The following DUSP26 variants were observed in gnomAD, a reference collection of about 807,000 sequenced individuals.
The protein encoded by DUSP26 is dual specificity protein phosphatase 26.
In DUSP26, 12 loss-of-function variants were observed where a neutral mutation model predicts 20.0. That is an observed-to-expected ratio of 0.60 (90% CI 0.38 to 0.97). The LOEUF is 0.97. Ranked by LOEUF, DUSP26 falls within the 50% of genes least tolerant of loss-of-function variation. The pLI is 0.00. For missense variants in DUSP26, 230 were observed against 294.0 expected (o/e 0.78, Z 1.59); for synonymous variants, 120 against 118.8 (o/e 1.01, Z -0.06).
intron 3 of DUSP26, 114 bp downstream of exon 3, chr8:33,593,419 C>A: frequency 8.3e-7 from 1 of 1,198,808 alleles, no homozygotes; most frequent in South Asian, 1.5e-5. Flanking sequence ...TCTTTCTTAA[C>A]AAGATCCTGA....
chr8:33,598,023 C>G (rs78793676), intron 1 of DUSP26, among the ~76,000 whole-genome samples: 1 of 151,908 alleles, frequency 6.6e-6, no homozygotes, highest in African/African-American at 2.4e-5. Flanking sequence ...GTTGGGGGTA[C>G]CTTTAGACCC....
At position 33,593,623 on chromosome 8, in the gene DUSP26, C is replaced by T. The variant is rs936137161; in HGVS notation, c.346G>A (p.Val116Ile). The change falls in exon 3 of 4, where the codon GTT becomes ATT. Residue 116 changes from valine to isoleucine, a missense_variant. Val to Ile is a conservative substitution (Grantham distance 29). Coordinates refer to ENST00000256261, the MANE Select transcript of DUSP26 (RefSeq NM_024025.3). ...YEGLGIRYLG[V>I]EAHDSPAFDM... ...AAGGCTGGCGAGTCGTGGGCCTCAA[C>T]ACCCAGGTAGCGGATGCCCAGCCCC... is the stretch of plus-strand genomic sequence containing the variant. The T allele has an allele frequency of 1.9e-6, 3 of 1,614,222 alleles. No individual in the cohort carries two copies. Among genetic ancestry groups the T allele is most frequent in the South Asian group, 1.1e-5 (1 of 91,088 alleles).
In DUSP26 at chr8:33,593,944, C is replaced by T. The variant is rs570975613; in HGVS notation, c.222-197G>A. Among the ~76,000 whole-genome samples the T allele has an allele frequency of 3.2e-4, 48 of 152,162 alleles. 2 individuals are homozygous for T. In the South Asian group the frequency reaches 8.1e-3, roughly 26 times the overall value. On this transcript the variant is annotated intron_variant, in intron 2 of 3. Coordinates refer to ENST00000256261, the MANE Select transcript of DUSP26 (RefSeq NM_024025.3). ...AAACGATTCTCCTGCCTCAGCCTCCCGGGTAGCTGGGATTACAGGCACATG... is the reference window on the plus strand; with the variant it reads ...AAACGATTCTCCTGCCTCAGCCTCCTGGGTAGCTGGGATTACAGGCACATG...
chr8:33,597,882 T>TACACACACACACAC (rs150976098), intron 1 of DUSP26: 1,751 of 152,902 alleles, frequency 0.011, 51 homozygotes, highest in African/African-American at 0.038. Flanking sequence ...CCAGCACGCA[T>TACACACACACACAC]ACACACACAC....
chr8:33,596,267 G>A (rs1811142407), intron 2 of DUSP26, among the ~76,000 whole-genome samples: 1 of 151,154 alleles, frequency 6.6e-6, no homozygotes, highest in Non-Finnish European at 1.5e-5. Flanking sequence ...CTGGGCAACA[G>A]TGAGACCCTG....
chr8:33,596,791 C>G (rs961418782), intron 2 of DUSP26, among the ~76,000 whole-genome samples: 4 of 152,080 alleles, frequency 2.6e-5, no homozygotes, highest in African/African-American at 9.7e-5. Context: ...CTCCTGGCTT[C>G]CAGTGGCTGC....
Position 33,592,098 on chromosome 8 carries a change from T to C in DUSP26, c.551A>G (p.Asp184Gly), listed in dbSNP as rs1190195753. ...TLVEAIKKVK[D>G]HRGIIPNRGF... The stretch of plus-strand genomic sequence containing the variant: ...CCGGTTGGGGATGATGCCTCGGTGG[T>C]CTTTGACTTTCTTGATGGCCTCCAC... The change falls in exon 4 of 4, where the codon GAC becomes GGC. Residue 184 changes from aspartate to glycine, a missense_variant. By Grantham distance (94) the Asp-to-Gly change is moderately conservative. Coordinates refer to ENST00000256261, the MANE Select transcript of DUSP26 (RefSeq NM_024025.3). The C allele has an allele frequency of 6.2e-7, 1 of 1,613,842 alleles. No homozygotes were observed. The highest frequency in any genetic ancestry group is 1.1e-5 in the South Asian group (1 of 91,032).
At chr8:33,597,198 A>G (rs551242446) in intron 2 of DUSP26, 97 bp downstream of exon 2, 3 of 1,206,950 alleles carry the variant, frequency 2.5e-6, no homozygotes, top group Non-Finnish European at 1.1e-6. Flanking sequence ...ACCAGGAACC[A>G]ATGACACCAC....
intron 3 of DUSP26, among the ~76,000 whole-genome samples, chr8:33,593,299 A>C (rs1000739511): frequency 3.9e-5 from 6 of 152,118 alleles, no homozygotes; most frequent in African/African-American, 1.4e-4. Flanking sequence ...AAAGTCGATC[A>C]CATATAATCT....
rs778152331 is a variant in DUSP26 at position 33,593,664 on chromosome 8, G to T, written c.305C>A (p.Thr102Lys). ...LNASHSRWRG[T>K]PEAYEGLGIR... ...GCCCAGCCCCTCATAGGCCTCGGGC[G>T]TGCCTCGCCACCGGCTGTGTGAGGC... Residue 102 changes from threonine to lysine, a missense_variant, in exon 3 of 4, where the codon ACG (threonine) becomes AAG (lysine). Thr to Lys is a moderately conservative substitution (Grantham distance 78). Coordinates refer to ENST00000256261, the MANE Select transcript of DUSP26 (RefSeq NM_024025.3). The T allele has an allele frequency of 1.2e-6, 2 of 1,614,156 alleles. No individual in the cohort carries two copies. Among genetic ancestry groups the T allele is most frequent in the East Asian group, 4.5e-5 (2 of 44,874 alleles).
rs753839287 is a variant in DUSP26 at position 33,593,558 on chromosome 8, G to A, written c.411C>T (p.Ile137=). ...CTCCTGGCTGGCTCAGCGCCCGGTG[G>A]ATGAAGTCGGCAGCCGTCTGGAAGT... ...SIHFQTAADF[I]HRALSQPGGK... The change falls in exon 3 of 4, where the codon ATC becomes ATT. Residue 137 remains isoleucine (I), a synonymous_variant. Transcript: ENST00000256261. 7 of 1,613,864 alleles carry A rather than the reference G, an allele frequency of 4.3e-6. No homozygotes were observed. Among genetic ancestry groups the A allele is most frequent in the Non-Finnish European group, 5.1e-6 (6 of 1,179,770 alleles).
chr8:33,597,260 C>A (rs750874113), intron 2 of DUSP26, 35 bp downstream of exon 2: 1 of 1,561,162 alleles, frequency 6.4e-7, no homozygotes, highest in Non-Finnish European at 8.7e-7. Flanking sequence ...AACACACACA[C>A]GCTCTACCGT....
intron 1 of DUSP26, among the ~76,000 whole-genome samples, chr8:33,598,633 A>G (rs1811205339): frequency 6.6e-6 from 1 of 152,170 alleles, no homozygotes; most frequent in South Asian, 2.1e-4. Context: ...CACGAGGTCA[A>G]TAACGAGGGG....
chr8:33,593,266 C>T (rs1173704287), intron 3 of DUSP26, among the ~76,000 whole-genome samples: 7 of 152,120 alleles, frequency 4.6e-5, no homozygotes, highest in Non-Finnish European at 8.8e-5. Context: ...AGAAAGACTC[C>T]ATCTCAAAAA....
At chr8:33,594,548 C>T (rs1035818808) in intron 2 of DUSP26, among the ~76,000 whole-genome samples, 13 of 151,106 alleles carry the variant, frequency 8.6e-5, no homozygotes, top group Non-Finnish European at 1.5e-4. Context: ...GCCGAGATCG[C>T]ACCACTGCAC....
intron 1 of DUSP26, among the ~76,000 whole-genome samples, chr8:33,599,038 T>G (rs956965701): frequency 3.3e-5 from 5 of 151,948 alleles, no homozygotes; most frequent in African/African-American, 9.7e-5. Flanking sequence ...TGAGGGAAGA[T>G]TGGATGTTAG....
At position 33,593,672 on chromosome 8, in the gene DUSP26, C is replaced by T. The variant is rs1283607656; in HGVS notation, c.297G>A (p.Trp99Ter). ...CCTCATAGGCCTCGGGCGTGCCTCG[C>T]CACCGGCTGTGTGAGGCATTGAGGA... ...THVLNASHSRWRGTPEAYEGL... is the reference protein window; with the variant it reads ...THVLNASHSR The change falls in exon 3 of 4, where the codon TGG becomes TGA. Residue 99 changes from tryptophan to a stop codon, truncating the protein, a stop_gained. Transcript: ENST00000256261. LOFTEE classifies it high-confidence loss of function. The T allele has an allele frequency of 6.2e-7, 1 of 1,614,192 alleles. No homozygotes were observed.
In DUSP26 at chr8:33,597,900, C is replaced by CACACACACACACACACACAT. The variant is rs1383357800; in HGVS notation, c.-76-310_-76-309insATGTGTGTGTGTGTGTGTGT. 6.3e-5 allele frequency: 12 copies of CACACACACACACACACACAT among 191,368 alleles called. No individual in the cohort carries two copies. The South Asian group carries it at 7.1e-4, about 11-fold the overall frequency. The allele number at this position is 191,368 out of a possible 1,614,324, so 11.9% of individuals were successfully genotyped here. On this transcript the variant is annotated intron_variant, in intron 1 of 3. Coordinates refer to ENST00000256261, the MANE Select transcript of DUSP26 (RefSeq NM_024025.3). ...GCACGCATACACACACACACACACA[C>CACACACACACACACACACAT]ACACACACACGGCACTTGGGTGGTT...
intron 1 of DUSP26, chr8:33,597,882 T>TACACACACACACACACACACAC (rs150976098): frequency 0.042 from 6,441 of 152,720 alleles, 288 homozygotes; most frequent in East Asian, 0.073. Context: ...CCAGCACGCA[T>TACACACACACACACACACACAC]ACACACACAC....
Sources: allele counts gnomAD v4.1 joint callset (sites outside exome capture counted in the v4.1 genomes callset), GRCh38; gene constraint gnomAD v4.1.1; transcripts MANE v1.5; gene names NCBI Gene and HGNC (gene_info 2026-07-23, HGNC 2026-07-21).